The following ERO1A variants were observed in gnomAD, a reference collection of about 807,000 sequenced individuals.
The protein encoded by ERO1A is endoplasmic reticulum oxidoreductase 1 alpha, also known as ERO1-like protein alpha.
In ERO1A, 49 loss-of-function variants were observed where a neutral mutation model predicts 76.9. The ratio of observed to expected loss-of-function variants is 0.64; its 90% confidence interval spans 0.51 to 0.81. The LOEUF (loss-of-function observed/expected upper bound fraction) is 0.81, where lower values mean the gene tolerates loss of function less well. ERO1A is among the 30% of genes least tolerant of loss of function. The pLI is 0.00. For synonymous variants in ERO1A, 174 were observed against 181.2 expected (o/e 0.96, Z 0.32); for missense variants, 448 against 542.1 (o/e 0.83, Z 1.72).
chr14:52,646,148 A>C lies in ERO1A; in HGVS notation c.1346+6T>G. On this transcript the variant is annotated splice_donor_region_variant and intron_variant, in intron 15 of 15. Coordinates refer to ENST00000395686, the MANE Select transcript of ERO1A (RefSeq NM_014584.3). ...ACCAGAAGCATTTCAGTACATTCAA[A>C]CTAACCTTCCAAATGCGTTGAATAA... 1 of 1,606,652 alleles carries C rather than the reference A, an allele frequency of 6.2e-7. No individual in the cohort carries two copies. Among genetic ancestry groups the C allele is most frequent in the Non-Finnish European group, 8.5e-7 (1 of 1,176,668 alleles).
In ERO1A at chr14:52,675,417, C is replaced by T. The variant is rs578200527; in HGVS notation, c.357+3017G>A. The stretch of plus-strand genomic sequence containing the variant: ...AAAAAAGGTGGTGGAATCTAGGTTA[C>T]GGGTATAAGAATGTTCAAGGGAAAA... On this transcript the variant is annotated intron_variant, in intron 4 of 15. Transcript: ENST00000395686. Among the ~76,000 whole-genome samples, 7 of 151,354 alleles carry T rather than the reference C, an allele frequency of 4.6e-5. 1 individual carries two copies. The highest frequency in any genetic ancestry group is 4.2e-4 in the South Asian group (2 of 4,776).
At chr14:52,649,645 A>G (rs1019314670) in intron 13 of ERO1A, among the ~76,000 whole-genome samples, 3 of 152,106 alleles carry the variant, frequency 2.0e-5, no homozygotes, top group African/African-American at 4.8e-5. Flanking sequence ...AGCAGCAAGT[A>G]AACTAAAAAA....
Position 52,642,468 on chromosome 14 carries a change from A to AAAG in ERO1A, c.*1099_*1101dup, listed in dbSNP as rs1389352204. The AAAG allele has an allele frequency of 6.6e-6, 1 of 152,206 alleles. No individual in the cohort carries two copies. Among genetic ancestry groups the AAAG allele is most frequent in the Non-Finnish European group, 1.5e-5 (1 of 68,030 alleles). The allele number at this position is 152,206 out of a possible 1,614,324, so 9.4% of individuals were successfully genotyped here. A position where few individuals can be genotyped will look rare whatever the true frequency, so the allele number is the denominator to read the frequency against. The stretch of plus-strand genomic sequence containing the variant: ...AAAAAGAACTTTAGATTGGAACTTG[A>AAAG]AAGTATTATTTATTCTAAGGCTTAC... On this transcript the variant is annotated 3_prime_UTR_variant, in exon 16 of 16. Coordinates refer to ENST00000395686, the MANE Select transcript of ERO1A (RefSeq NM_014584.3).
At chr14:52,671,223 C>T (rs1027355197) in intron 6 of ERO1A, among the ~76,000 whole-genome samples, 37 of 152,130 alleles carry the variant, frequency 2.4e-4, no homozygotes, top group Non-Finnish European at 4.7e-4. Flanking sequence ...TTATATACCA[C>T]ATTTTGTTTA....
chr14:52,694,075 A>C (rs1262076666), intron 1 of ERO1A, among the ~76,000 whole-genome samples: 4 of 152,260 alleles, frequency 2.6e-5, no homozygotes, highest in Admixed American at 6.5e-5. Flanking sequence ...CCAGTATCCA[A>C]ATCTCCAGAA....
chr14:52,670,298 G>A (rs1309681351), intron 6 of ERO1A, among the ~76,000 whole-genome samples: 1 of 152,190 alleles, frequency 6.6e-6, no homozygotes, highest in Non-Finnish European at 1.5e-5. Context: ...TGAATTAAGA[G>A]GCTAACAATT....
chr14:52,670,130 G>A (rs896456549), intron 6 of ERO1A, among the ~76,000 whole-genome samples: 4 of 152,132 alleles, frequency 2.6e-5, no homozygotes, highest in African/African-American at 9.7e-5. Context: ...GCCCAGGCTA[G>A]GCTCAGCAAT....
chr14:52,652,269 A>T lies in ERO1A; in HGVS notation c.1095T>A (p.Ala365=). 6.2e-7 allele frequency: 1 copy of T among 1,610,960 alleles called. No homozygotes were observed. Among genetic ancestry groups the T allele is most frequent in the Non-Finnish European group, 8.5e-7 (1 of 1,177,266 alleles). Residue 365 remains alanine, a synonymous_variant, in exon 13 of 16, where the codon GCT becomes GCA. Transcript: ENST00000395686. ...PLHFDENSFF[A]GDKKEAHKLK... Reference sequence around the variant, plus strand: ...GTTTGTGTGCTTCTTTTTTATCCCCAGCAAAAAATGAATTCTCATCAAAAT... The same window carrying T: ...GTTTGTGTGCTTCTTTTTTATCCCCTGCAAAAAATGAATTCTCATCAAAAT...
In ERO1A at chr14:52,671,715, G is replaced by GA; in HGVS notation, c.435-13dup. ...TCTGTGTTTCCTCACTTCAAACAAAGAAAAAAAATAACATTATTATTTTTA... is the reference window on the plus strand; with the variant it reads ...TCTGTGTTTCCTCACTTCAAACAAAGAAAAAAAAATAACATTATTATTTTTA... On this transcript the variant is annotated splice_polypyrimidine_tract_variant and intron_variant, in intron 5 of 15. Transcript: ENST00000395686. 8.8e-6 allele frequency: 14 copies of GA among 1,586,404 alleles called. No homozygotes were observed. The highest frequency in any genetic ancestry group is 3.5e-5 in the South Asian group (3 of 85,728).
intron 13 of ERO1A, 42 bp from the exon 14 acceptor site, chr14:52,646,503 A>G (rs1256037892): frequency 6.9e-7 from 1 of 1,453,836 alleles, no homozygotes; most frequent in Non-Finnish European, 9.6e-7. Flanking sequence ...TGTAATATAC[A>G]GTCAATTAGT....
chr14:52,675,449 T>C (rs965669219), intron 4 of ERO1A, among the ~76,000 whole-genome samples: 11 of 152,118 alleles, frequency 7.2e-5, no homozygotes, highest in Non-Finnish European at 1.5e-4. Context: ...AAAATTCCTT[T>C]AACTCTGCTA....
intron 4 of ERO1A, among the ~76,000 whole-genome samples, chr14:52,675,549 T>G: frequency 6.6e-6 from 1 of 152,132 alleles, no homozygotes; most frequent in African/African-American, 2.4e-5. Context: ...CAGAATGATA[T>G]GTAAATGTAC....
chr14:52,695,541 G>A lies in ERO1A; in HGVS notation c.-60C>T, dbSNP rs1334270842. Reference sequence around the variant, plus strand: ...AGGCCAGTCCGCACGCTCGGTCGCGGGCCGTGCGCCCTCAGATGAAGCCCG... The same window carrying A: ...AGGCCAGTCCGCACGCTCGGTCGCGAGCCGTGCGCCCTCAGATGAAGCCCG... On this transcript the variant is annotated 5_prime_UTR_variant, in exon 1 of 16. Coordinates refer to ENST00000395686, the MANE Select transcript of ERO1A (RefSeq NM_014584.3). 5.5e-6 allele frequency: 7 copies of A among 1,269,674 alleles called. No homozygotes were observed. The African/African-American group carries it at 6.2e-5, about 11-fold the overall frequency. 78.7% of individuals were successfully genotyped at this position (1,269,674 alleles called of 1,614,324 possible). A position where few individuals can be genotyped will look rare whatever the true frequency, so the allele number is the denominator to read the frequency against.
At chr14:52,695,295 C>T in intron 1 of ERO1A, 73 bp downstream of exon 1, 1 of 1,061,516 alleles carries the variant, frequency 9.4e-7, no homozygotes, top group Non-Finnish European at 1.2e-6. Flanking sequence ...GCCGCTCACC[C>T]GCCAGGGCGT....
intron 3 of ERO1A, among the ~76,000 whole-genome samples, chr14:52,679,932 C>G (rs570816085): frequency 6.6e-6 from 1 of 151,868 alleles, no homozygotes; most frequent in East Asian, 2.0e-4. Context: ...GCCTGTAGTC[C>G]GCCTGTAGTC....
intron 6 of ERO1A, among the ~76,000 whole-genome samples, chr14:52,668,159 G>C (rs1476433033): frequency 2.0e-5 from 3 of 152,108 alleles, no homozygotes; most frequent in Non-Finnish European, 4.4e-5. Flanking sequence ...ATCTAGTTCA[G>C]GAATGGATAA....
intron 13 of ERO1A, among the ~76,000 whole-genome samples, chr14:52,651,236 C>T (rs917279380): frequency 2.6e-5 from 4 of 152,034 alleles, no homozygotes; most frequent in Admixed American, 1.3e-4. Flanking sequence ...AGCAATGAGC[C>T]GTGATTGTAT....
chr14:52,653,750 G>A (rs912753898), intron 11 of ERO1A, among the ~76,000 whole-genome samples: 17 of 151,734 alleles, frequency 1.1e-4, no homozygotes, highest in African/African-American at 4.1e-4. Flanking sequence ...ATTTTTATGG[G>A]TATAATAAAA....
At chr14:52,647,794 G>A (rs1322797802) in intron 13 of ERO1A, among the ~76,000 whole-genome samples, 1 of 152,128 alleles carries the variant, frequency 6.6e-6, no homozygotes, top group African/African-American at 2.4e-5. Context: ...AGTATTCTTA[G>A]CAGGAAATCT....
Sources: allele counts gnomAD v4.1 joint callset (sites outside exome capture counted in the v4.1 genomes callset), GRCh38; gene constraint gnomAD v4.1.1; transcripts MANE v1.5; gene names NCBI Gene and HGNC (gene_info 2026-07-23, HGNC 2026-07-21).